ARL15: variants seen among roughly 807,000 people sequenced by gnomAD.
The protein encoded by ARL15 is ARF like GTPase 15.
ARL15 carries 19 observed loss-of-function variants against 25.2 expected under a neutral mutation model. The observed-to-expected ratio is 0.75, with a 90% CI of 0.53 to 1.10. ARL15 has a LOEUF of 1.10. Ranked by LOEUF, ARL15 falls within the 50% of genes least tolerant of loss-of-function variation. The pLI is 0.00. For missense variants in ARL15, 220 were observed against 246.0 expected (o/e 0.89, Z 0.71); for synonymous variants, 94 against 86.8 (o/e 1.08, Z -0.46).
intron 4 of ARL15, among the ~76,000 whole-genome samples, chr5:53,918,322 A>C (rs1745723213): frequency 6.6e-6 from 1 of 152,080 alleles, no homozygotes; most frequent in African/African-American, 2.4e-5. Flanking sequence ...AGTAGCTGGG[A>C]CAACAAATGT....
At chr5:54,272,947 A>G (rs79616688) in intron 1 of ARL15, among the ~76,000 whole-genome samples, 1 of 152,210 alleles carries the variant, frequency 6.6e-6, no homozygotes, top group Non-Finnish European at 1.5e-5. Context: ...GCTGGACCAC[A>G]TGAAAGTGGA....
intron 1 of ARL15, among the ~76,000 whole-genome samples, chr5:54,197,994 C>G (rs570891242): frequency 6.6e-6 from 1 of 151,536 alleles, no homozygotes; most frequent in Non-Finnish European, 1.5e-5. Flanking sequence ...GTTCAATATA[C>G]GCAAATCAAT....
intron 3 of ARL15, among the ~76,000 whole-genome samples, chr5:54,114,236 A>G (rs1435093044): frequency 6.6e-6 from 1 of 151,748 alleles, no homozygotes; most frequent in Non-Finnish European, 1.5e-5. Context: ...CATCTCTACT[A>G]AAAATACAAA....
chr5:54,069,881 G>C (rs1745065516), intron 4 of ARL15, among the ~76,000 whole-genome samples: 1 of 151,320 alleles, frequency 6.6e-6, no homozygotes, highest in Non-Finnish European at 1.5e-5. Context: ...CACCACCTTG[G>C]CCAGGCTGTT....
chr5:54,153,940 A>T (rs943524953), intron 3 of ARL15, among the ~76,000 whole-genome samples: 1 of 152,204 alleles, frequency 6.6e-6, no homozygotes, highest in African/African-American at 2.4e-5. Context: ...CAGAGCACTT[A>T]GTATTTTCAT....
At chr5:54,173,895 T>G (rs1254052347) in intron 1 of ARL15, among the ~76,000 whole-genome samples, 1 of 152,064 alleles carries the variant, frequency 6.6e-6, no homozygotes, top group East Asian at 1.9e-4. Context: ...TTACCTCAAC[T>G]GAGGCATCTA....
At chr5:54,306,031 C>T (rs1758744961) in intron 1 of ARL15, among the ~76,000 whole-genome samples, 1 of 152,152 alleles carries the variant, frequency 6.6e-6, no homozygotes, top group Non-Finnish European at 1.5e-5. Context: ...TACCCCCTCC[C>T]CTATGTGCCT....
At chr5:54,247,410 C>T (rs1192271769) in intron 1 of ARL15, among the ~76,000 whole-genome samples, 5 of 151,898 alleles carry the variant, frequency 3.3e-5, no homozygotes, top group East Asian at 1.9e-4. Flanking sequence ...GATGTGGGGT[C>T]GGCTGGTAGG....
intron 1 of ARL15, among the ~76,000 whole-genome samples, chr5:54,181,311 C>A (rs1028700608): frequency 6.6e-6 from 1 of 152,098 alleles, no homozygotes; most frequent in African/African-American, 2.4e-5. Context: ...ATAAAACCAG[C>A]AATAAAATAC....
intron 4 of ARL15, among the ~76,000 whole-genome samples, chr5:53,998,465 T>TAG (rs1162452325): frequency 4.6e-5 from 7 of 152,102 alleles, no homozygotes; most frequent in African/African-American, 1.7e-4. Flanking sequence ...TTAGCATACC[T>TAG]TTAAGTGGCT....
intron 1 of ARL15, among the ~76,000 whole-genome samples, chr5:54,257,452 C>G (rs2112613903): frequency 6.6e-6 from 1 of 152,168 alleles, no homozygotes; most frequent in East Asian, 1.9e-4. Context: ...TGACTTTTGA[C>G]CTGAGCTGCT....
intron 3 of ARL15, among the ~76,000 whole-genome samples, chr5:54,134,318 G>T (rs1278190775): frequency 6.6e-6 from 1 of 152,118 alleles, no homozygotes; most frequent in African/African-American, 2.4e-5. Flanking sequence ...CAGTATCCTT[G>T]GGAAAGAAAG....
chr5:53,960,854 G>A (rs1747341514), intron 4 of ARL15, among the ~76,000 whole-genome samples: 2 of 152,136 alleles, frequency 1.3e-5, no homozygotes, highest in Non-Finnish European at 2.9e-5. Flanking sequence ...AAAGATAACA[G>A]GTCACATTTC....
At chr5:53,915,373 T>A (rs929093694) in intron 4 of ARL15, among the ~76,000 whole-genome samples, 1 of 152,084 alleles carries the variant, frequency 6.6e-6, no homozygotes, top group Non-Finnish European at 1.5e-5. Flanking sequence ...GGCTACTGGG[T>A]GAAAAAGATA....
At chr5:53,918,592 G>T (rs185219439) in intron 4 of ARL15, among the ~76,000 whole-genome samples, 3 of 152,184 alleles carry the variant, frequency 2.0e-5, no homozygotes, top group Admixed American at 1.3e-4. Context: ...GATCTGGGGG[G>T]TCATGCAAAA....
chr5:54,092,148 C>A (rs1397810486), intron 4 of ARL15, among the ~76,000 whole-genome samples: 1 of 152,054 alleles, frequency 6.6e-6, no homozygotes, highest in Non-Finnish European at 1.5e-5. Context: ...TGAAAATACA[C>A]GTACAAATAT....
chr5:54,135,647 T>A (rs1159997171), intron 3 of ARL15, among the ~76,000 whole-genome samples: 2 of 152,194 alleles, frequency 1.3e-5, no homozygotes, highest in East Asian at 3.8e-4. Context: ...TCTTCAAACA[T>A]GGCATATATA....
intron 4 of ARL15, among the ~76,000 whole-genome samples, chr5:54,007,106 G>A (rs1749069400): frequency 6.6e-6 from 1 of 152,032 alleles, no homozygotes; most frequent in South Asian, 2.1e-4. Flanking sequence ...TTTTAATTGG[G>A]GCTGGTTCTG....
chr5:54,165,998 C>T (rs964146739), intron 2 of ARL15, among the ~76,000 whole-genome samples: 20 of 151,960 alleles, frequency 1.3e-4, no homozygotes, highest in Admixed American at 8.5e-4. Context: ...TGTCAAAATC[C>T]GCAGATTTAA....
Sources: allele counts gnomAD v4.1 joint callset (sites outside exome capture counted in the v4.1 genomes callset), GRCh38; gene constraint gnomAD v4.1.1; transcripts MANE v1.5; gene names NCBI Gene and HGNC (gene_info 2026-07-23, HGNC 2026-07-21).